Variants in MYO3B observed in about 807,000 individuals in gnomAD.
The protein encoded by MYO3B is myosin-IIIb.
MYO3B carries 156 observed loss-of-function variants against 174.6 expected under a neutral mutation model. The observed-to-expected ratio is 0.89, with a 90% confidence interval of 0.78 to 1.02. MYO3B has a LOEUF of 1.02. Among genes scored for constraint, MYO3B ranks in the 50% least tolerant of loss-of-function variants. MYO3B has a pLI of 0.00. For synonymous variants in MYO3B, 563 were observed against 569.1 expected, an observed-to-expected ratio of 0.99 and a Z score of 0.15; for missense variants, 1,632 against 1,639.4, an observed-to-expected ratio of 1.00 and a Z score of 0.08.
chr2:170,654,448 C>G lies in MYO3B; in HGVS notation c.*1327C>G, dbSNP rs948173650. ...GTCAGGAGTTCGAGACCAGCCTGAC[C>G]AACATGGTGAAACCCCGTCTCTACT... On this transcript the variant is annotated 3_prime_UTR_variant, in exon 35 of 35. Transcript: ENST00000408978. The G allele has an allele frequency of 4.6e-5, 7 of 151,586 alleles. No homozygotes were observed. The highest frequency in any genetic ancestry group is 1.7e-4 in the African/African-American group (7 of 41,234). 9.4% of individuals were successfully genotyped at this position (151,586 alleles called of 1,614,324 possible).
chr2:170,497,760 C>G (rs1164383690), intron 25 of MYO3B, among the ~76,000 whole-genome samples: 2 of 152,032 alleles, frequency 1.3e-5, no homozygotes, highest in African/African-American at 4.8e-5. Context: ...GGGGCCTCAG[C>G]TGTGAACTTG....
At chr2:170,576,110 T>G (rs568485656) in intron 32 of MYO3B, among the ~76,000 whole-genome samples, 1 of 152,312 alleles carries the variant, frequency 6.6e-6, no homozygotes, top group African/African-American at 2.4e-5. Context: ...TTTTTCTAGT[T>G]GTTAACCTAT....
chr2:170,465,362 T>G (rs1371866516), intron 24 of MYO3B, among the ~76,000 whole-genome samples: 1 of 152,152 alleles, frequency 6.6e-6, no homozygotes, highest in Non-Finnish European at 1.5e-5. Flanking sequence ...TCCCAGACTC[T>G]TTTAAACAAC....
rs1370058477 is a variant in MYO3B at position 170,406,080 on chromosome 2, A to G, written c.2520+447A>G. 2.0e-5 allele frequency among the ~76,000 whole-genome samples: 3 copies of G among 152,344 alleles called. 1 individual carries two copies. The South Asian group carries it at 6.2e-4, about 32-fold the overall frequency. Reference sequence around the variant, plus strand: ...CAGATGAAAAGAAAAAAAAATTCACATTATTATCCAGATGTTAAGCTTTTA... The same window carrying G: ...CAGATGAAAAGAAAAAAAAATTCACGTTATTATCCAGATGTTAAGCTTTTA... On this transcript the variant is annotated intron_variant, in intron 21 of 34. Transcript: ENST00000408978.
chr2:170,346,561 A>C (rs976085302), intron 8 of MYO3B: 1 of 151,936 alleles, frequency 6.6e-6, no homozygotes, highest in Non-Finnish European at 1.5e-5. Flanking sequence ...TTCCCTCCCT[A>C]CCTTCCTTTT....
chr2:170,605,669 C>T (rs2106351045), intron 32 of MYO3B, among the ~76,000 whole-genome samples: 1 of 152,212 alleles, frequency 6.6e-6, no homozygotes, highest in South Asian at 2.1e-4. Flanking sequence ...CCAGCCTGGA[C>T]AACATGGTAA....
chr2:170,648,455 C>A (rs938458749), intron 32 of MYO3B, among the ~76,000 whole-genome samples: 3 of 151,502 alleles, frequency 2.0e-5, no homozygotes, highest in African/African-American at 4.9e-5. Flanking sequence ...CATGATGAAA[C>A]CCCATCTCTA....
intron 32 of MYO3B, among the ~76,000 whole-genome samples, chr2:170,551,349 A>ATT (rs1553520401): frequency 1.4e-5 from 2 of 142,328 alleles, no homozygotes; most frequent in East Asian, 2.0e-4. Context: ...ATTTAATTTA[A>ATT]TTATTTATTT....
At chr2:170,301,277 G>A (rs76496821) in intron 7 of MYO3B, among the ~76,000 whole-genome samples, 3,730 of 152,094 alleles carry the variant, frequency 0.025, 89 homozygotes, top group Non-Finnish European at 0.037. Context: ...GACTAATGAA[G>A]GTATTCTAAA....
At chr2:170,638,220 C>T (rs1169483620) in intron 32 of MYO3B, among the ~76,000 whole-genome samples, 2 of 151,970 alleles carry the variant, frequency 1.3e-5, no homozygotes, top group African/African-American at 2.4e-5. Flanking sequence ...AATTTATGGA[C>T]CTGGGTGGGG....
Position 170,499,759 on chromosome 2 carries a change from CA to C in MYO3B, c.3244del (p.Arg1082GlyfsTer29), listed in dbSNP as rs773942009. 1.9e-6 allele frequency: 3 copies of C among 1,613,986 alleles called. No homozygotes were observed. The highest frequency in any genetic ancestry group is 1.7e-6 in the Non-Finnish European group (2 of 1,179,950). On this transcript the variant is annotated frameshift_variant, in exon 27 of 35. Transcript: ENST00000408978. LOFTEE classifies it high-confidence loss of function. ...TKGWLGARRYKRVREKREKGA... is the reference protein window; with the variant it reads ...TKGWLGARRYXRVREKREKGA... ...AGGGGTGGCTTGGAGCCAGGAGATA[CA>C]AAAGGGTCAGAGAGAAGAGAGAGAA...
At chr2:170,258,496 T>C (rs1355763147) in intron 7 of MYO3B, among the ~76,000 whole-genome samples, 1 of 152,084 alleles carries the variant, frequency 6.6e-6, no homozygotes, top group Non-Finnish European at 1.5e-5. Flanking sequence ...AAAAAGCTTC[T>C]GATAAAATCC....
intron 32 of MYO3B, among the ~76,000 whole-genome samples, chr2:170,608,679 GAGAGAC>G (rs905139488): frequency 6.6e-6 from 1 of 151,992 alleles, no homozygotes; most frequent in African/African-American, 2.4e-5. Flanking sequence ...GAGAGAGAGA[GAGAGAC>G]AGACAGACAG....
At chr2:170,445,232 TC>T (rs2094831788) in intron 23 of MYO3B, among the ~76,000 whole-genome samples, 1 of 152,206 alleles carries the variant, frequency 6.6e-6, no homozygotes, top group African/African-American at 2.4e-5. Context: ...GAACTCACAA[TC>T]AATAGCACTG....
intron 23 of MYO3B, among the ~76,000 whole-genome samples, chr2:170,455,177 T>G (rs1351756901): frequency 6.6e-6 from 1 of 152,252 alleles, no homozygotes; most frequent in Non-Finnish European, 1.5e-5. Flanking sequence ...TTGTTAGTCC[T>G]GCAAAGGCAG....
At chr2:170,263,487 G>GAGGGGGATGTGGCAGGACAAT (rs2093360351) in intron 7 of MYO3B, among the ~76,000 whole-genome samples, 1 of 152,176 alleles carries the variant, frequency 6.6e-6, no homozygotes, top group Admixed American at 6.5e-5. Flanking sequence ...CCATCTCGGA[G>GAGGGGGATGTGGCAGGACAAT]AGGGGGATGT....
chr2:170,251,469 A>T (rs1469748568), intron 7 of MYO3B, among the ~76,000 whole-genome samples: 1 of 152,180 alleles, frequency 6.6e-6, no homozygotes, highest in Non-Finnish European at 1.5e-5. Flanking sequence ...TCAGAATTTG[A>T]CCTTATTTGG....
chr2:170,369,447 G>T, intron 9 of MYO3B, 70 bp downstream of exon 9: 1 of 1,515,732 alleles, frequency 6.6e-7, no homozygotes, highest in Non-Finnish European at 9.0e-7. Context: ...GTTTTGATTT[G>T]CCCAGCATTA....
chr2:170,624,589 C>T (rs557463479), intron 32 of MYO3B, among the ~76,000 whole-genome samples: 1 of 152,300 alleles, frequency 6.6e-6, no homozygotes, highest in East Asian at 1.9e-4. Flanking sequence ...CTGGCCAGAA[C>T]TTCCAACACT....
Sources: gnomAD v4.1 joint callset for allele counts (sites outside exome capture counted in the v4.1 genomes callset) on GRCh38, gnomAD v4.1.1 for gene constraint, MANE v1.5 for transcripts, NCBI Gene and HGNC (gene_info 2026-07-23, HGNC 2026-07-21) for gene names.